Variants in CYP24A1 observed in about 807,000 individuals in gnomAD.
The protein encoded by CYP24A1 is 1,25-dihydroxyvitamin D(3) 24-hydroxylase, mitochondrial.
A neutral mutation model predicts 62.4 loss-of-function variants in CYP24A1; 68 were observed. That is an observed-to-expected ratio of 1.09 (90% CI 0.90 to 1.33). The LOEUF (loss-of-function observed/expected upper bound fraction) is 1.33. CYP24A1 is among the 40% of genes most tolerant of loss of function. The probability of loss-of-function intolerance (pLI) is 0.00; values close to 1 mark genes in which losing one functional copy is unlikely to be tolerated. For synonymous variants in CYP24A1, 267 were observed against 253.0 expected, an observed-to-expected ratio of 1.06 and a Z score of -0.52; for missense variants, 787 against 653.0, an observed-to-expected ratio of 1.21 and a Z score of -2.24.
rs1396052398 is a variant in CYP24A1, at chr20:54,169,054, A to G, written c.640+538T>C. On this transcript the variant is annotated intron_variant, in intron 4 of 11. Coordinates refer to ENST00000216862, the MANE Select transcript of CYP24A1 (RefSeq NM_000782.5). ...ATGGGACTACAGGCATGTGCCACCA[A>G]CCCTGACTAATTTTTGTATTTTTTG... 2.6e-5 allele frequency among the ~76,000 whole-genome samples: 4 copies of G among 151,148 alleles called. No individual in the cohort carries two copies. In the East Asian group the frequency reaches 7.8e-4, roughly 29 times the overall value.
At chr20:54,164,943 C>T (rs76194329) in intron 5 of CYP24A1, among the ~76,000 whole-genome samples, 5,265 of 152,172 alleles carry the variant, frequency 0.035, 127 homozygotes, top group South Asian at 0.091. Context: ...CCTATCTACA[C>T]GCCACCCAAA....
the CYP24A1 span, among the ~76,000 whole-genome samples, chr20:54,144,221 T>C: frequency 6.6e-6 from 1 of 151,824 alleles, no homozygotes; most frequent in African/African-American, 2.4e-5. Flanking sequence ...TCTTTCTTTT[T>C]TTTTTTTTTA....
At chr20:54,162,505 T>C (rs2092655118) in intron 7 of CYP24A1, 1 of 565,292 alleles carries the variant, frequency 1.8e-6, no homozygotes, top group Non-Finnish European at 3.2e-6. Flanking sequence ...GGAGGCACCG[T>C]GGCGTCTGGT....
chr20:54,158,641 T>C (rs952738068), intron 8 of CYP24A1, among the ~76,000 whole-genome samples: 1 of 152,220 alleles, frequency 6.6e-6, no homozygotes, highest in South Asian at 2.1e-4. Context: ...TATAATAATA[T>C]AGCTCTTTTG....
chr20:54,149,504 T>C (rs1251313534), downstream of CYP24A1, among the ~76,000 whole-genome samples: 1 of 152,006 alleles, frequency 6.6e-6, no homozygotes. Flanking sequence ...AATAATTTTT[T>C]TGAGAGAGAG....
In CYP24A1 at chr20:54,164,482, T is replaced by G. The variant is rs755190328; in HGVS notation, c.814A>C (p.Thr272Pro). The G allele has an allele frequency of 6.2e-7, 1 of 1,614,010 alleles. No homozygotes were observed. Among genetic ancestry groups the G allele is most frequent in the Non-Finnish European group, 8.5e-7 (1 of 1,179,976 alleles). The change falls in exon 6 of 12, where the codon ACT becomes CCT. Residue 272 changes from threonine to proline, a missense_variant. Physicochemically the swap from Thr to Pro is conservative, Grantham distance 38. Transcript: ENST00000216862. ...SLNTKVWQDHTLAWDTIFKSV... is the reference protein window; with the variant it reads ...SLNTKVWQDHPLAWDTIFKSV... ...TTGAAAATGGTGTCCCAGGCCAGAG[T>G]GTGGTCCTGCCAGACCTTGGTGTTG...
In CYP24A1 at chr20:54,157,516, T is replaced by C. The variant is rs1314631784; in HGVS notation, c.1306A>G (p.Arg436Gly). Residue 436 changes from arginine (R) to glycine (G), a missense_variant, in exon 10 of 12, where the codon AGA (arginine) becomes GGA (glycine). Physicochemically the swap from Arg to Gly is moderately radical, Grantham distance 125 (BLOSUM62 -2). Transcript: ENST00000216862. ...EDNFEDSSQFRPERWLQEKEK... is the reference protein window; with the variant it reads ...EDNFEDSSQFGPERWLQEKEK... ...TTCTCCTGAAGCCAACGTTCAGGTC[T>C]AAACTGACTTGAATCTTCAAAATTG... 1 of 1,598,280 alleles carries C rather than the reference T, an allele frequency of 6.3e-7. No individual in the cohort carries two copies.
chr20:54,168,508 G>T (rs150971141), intron 4 of CYP24A1, among the ~76,000 whole-genome samples: 2 of 152,050 alleles, frequency 1.3e-5, no homozygotes, highest in African/African-American at 4.8e-5. Context: ...CAAACTCGGC[G>T]CTCATGCTTC....
the CYP24A1 span, among the ~76,000 whole-genome samples, chr20:54,143,897 T>C: frequency 6.6e-6 from 1 of 151,998 alleles, no homozygotes; most frequent in African/African-American, 2.4e-5. Context: ...AAATCGTAAG[T>C]GAATACAGTT....
chr20:54,146,231 C>T, the CYP24A1 span, among the ~76,000 whole-genome samples: 11 of 152,306 alleles, frequency 7.2e-5, no homozygotes, highest in Admixed American at 6.5e-4. Context: ...TTTGCACCAT[C>T]CTACTACAAG....
At position 54,172,983 on chromosome 20, in the gene CYP24A1, G is replaced by C. The variant is rs775180997; in HGVS notation, c.375C>G (p.Tyr125Ter). ...ACGGTTTGATCTCCAGCCGCTGCGGGTACGCGCTCTCGGTGCGGTACAGCG... is the reference window on the plus strand; with the variant it reads ...ACGGTTTGATCTCCAGCCGCTGCGGCTACGCGCTCTCGGTGCGGTACAGCG... The part of the protein sequence containing the change: ...LEALYRTESA[Y>*]PQRLEIKPWK... The change falls in exon 2 of 12, where the codon TAC becomes TAG. Residue 125 changes from tyrosine (Y) to a stop codon, truncating the protein, a stop_gained. Coordinates refer to ENST00000216862, the MANE Select transcript of CYP24A1 (RefSeq NM_000782.5). LOFTEE classifies it high-confidence loss of function. 6.2e-7 allele frequency: 1 copy of C among 1,613,012 alleles called. No homozygotes were observed. Among genetic ancestry groups the C allele is most frequent in the Non-Finnish European group, 8.5e-7 (1 of 1,180,040 alleles).
chr20:54,172,766 G>T (rs2092698218), intron 2 of CYP24A1, 143 bp downstream of exon 2: 1 of 1,523,356 alleles, frequency 6.6e-7, no homozygotes, highest in South Asian at 1.2e-5. Context: ...GGTTGCGATG[G>T]CACGGGAGAG....
Position 54,173,493 on chromosome 20 carries a change from T to C in CYP24A1, c.87A>G (p.Thr29=). 1 of 1,566,622 alleles carries C rather than the reference T, an allele frequency of 6.4e-7. No homozygotes were observed. Among genetic ancestry groups the C allele is most frequent in the Non-Finnish European group, 8.7e-7 (1 of 1,155,788 alleles). ...GCTGAGGGGACGTGTACGCCGTAGA[T>C]GTCACCAGTCTCGGGGGCTGCCTCG... ...RSPRQPPRLV[T]STAYTSPQPR... is the part of the protein sequence containing the mutation. Residue 29 remains threonine, a synonymous_variant, in exon 1 of 12, where the codon ACA becomes ACG. Transcript: ENST00000216862. The surrounding 1 kb of genome is among the most constrained non-coding windows in gnomAD (Gnocchi z 7.2).
chr20:54,146,644 A>G, the CYP24A1 span, among the ~76,000 whole-genome samples: 4 of 152,338 alleles, frequency 2.6e-5, no homozygotes, highest in East Asian at 7.7e-4. Flanking sequence ...CTCCCACAAT[A>G]TGGGACATCC....
chr20:54,160,991 T>A (rs933032144), intron 7 of CYP24A1, among the ~76,000 whole-genome samples: 1 of 152,192 alleles, frequency 6.6e-6, no homozygotes, highest in Admixed American at 6.5e-5. Flanking sequence ...CTATTCTCCA[T>A]CCACCAGCCA....
At chr20:54,164,827 GTA>G (rs1491262278) in intron 5 of CYP24A1, among the ~76,000 whole-genome samples, 82 of 128,778 alleles carry the variant, frequency 6.4e-4, no homozygotes, top group Non-Finnish European at 9.4e-4. Context: ...TGACCTAATT[GTA>G]AAAAAAAAAA....
rs755624262 is a variant in CYP24A1 at position 54,157,230 on chromosome 20, T to C, written c.1494A>G (p.Ser498=). 2.0e-5 allele frequency: 32 copies of C among 1,613,426 alleles called. No homozygotes were observed. Among genetic ancestry groups the C allele is most frequent in the Non-Finnish European group, 2.6e-5 (31 of 1,179,516 alleles). The change falls in exon 11 of 12, where the codon TCA becomes TCG. Residue 498 remains serine (S), a synonymous_variant. Transcript: ENST00000216862. ...TDNEPVEMLH[S]GTLVPSRELP... ...GTTCCCGGCTGGGCACCAGGGTGCC[T>C]GAGTGTAGCATCTCAACAGGCTCAT...
rs952012022 is a variant in CYP24A1 at position 54,154,462 on chromosome 20, C to G, written c.*310G>C. On this transcript the variant is annotated 3_prime_UTR_variant, in exon 12 of 12. Transcript: ENST00000216862. Reference sequence around the variant, plus strand: ...TTACTCCCAGCCCCAGAAAATTTAGCTGTTGTAGGTCATTCATTGTGAAAT... The same window carrying G: ...TTACTCCCAGCCCCAGAAAATTTAGGTGTTGTAGGTCATTCATTGTGAAAT... The G allele has an allele frequency of 6.6e-6, 1 of 152,178 alleles. No homozygotes were observed. Among genetic ancestry groups the G allele is most frequent in the Non-Finnish European group, 1.5e-5 (1 of 68,040 alleles). 9.4% of individuals were successfully genotyped at this position (152,178 alleles called of 1,614,324 possible).
In CYP24A1 at chr20:54,173,484, C is replaced by A. The variant is rs1452816673; in HGVS notation, c.96G>T (p.Ala32=). ...CCTCTCGCGGCTGAGGGGACGTGTA[C>A]GCCGTAGATGTCACCAGTCTCGGGG... ...RQPPRLVTST[A]YTSPQPREVP... The change falls in exon 1 of 12, where the codon GCG becomes GCT. Residue 32 remains alanine (A), a synonymous_variant. Coordinates refer to ENST00000216862, the MANE Select transcript of CYP24A1 (RefSeq NM_000782.5). The surrounding 1 kb of genome is among the most constrained non-coding windows in gnomAD (Gnocchi z 7.2). The A allele has an allele frequency of 6.4e-7, 1 of 1,565,518 alleles. No homozygotes were observed. Among genetic ancestry groups the A allele is most frequent in the Admixed American group, 1.9e-5 (1 of 53,302 alleles).
Sources: allele counts gnomAD v4.1 joint callset (sites outside exome capture counted in the v4.1 genomes callset), GRCh38; gene constraint gnomAD v4.1.1; non-coding constraint Gnocchi (gnomAD v3.1); transcripts MANE v1.5; gene names NCBI Gene and HGNC (gene_info 2026-07-23, HGNC 2026-07-21).